The following MYRIP variants were observed in gnomAD, a reference collection of about 807,000 sequenced individuals.
MYRIP encodes myosin VIIA and Rab interacting protein, also known as rab effector MyRIP.
MYRIP carries 49 observed loss-of-function variants against 98.0 expected under a neutral mutation model. The ratio of observed to expected loss-of-function variants is 0.50; its 90% CI spans 0.40 to 0.63. MYRIP has a LOEUF of 0.63. MYRIP is among the 30% of genes least tolerant of loss of function. MYRIP has a pLI of 0.00. For missense variants in MYRIP, 1,004 were observed against 1,058.2 expected, an observed-to-expected ratio of 0.95 and a Z score of 0.71; for synonymous variants, 404 against 409.5, an observed-to-expected ratio of 0.99 and a Z score of 0.16.
At chr3:40,104,360 A>G (rs767273521) in intron 3 of MYRIP, among the ~76,000 whole-genome samples, 2 of 152,144 alleles carry the variant, frequency 1.3e-5, no homozygotes, top group African/African-American at 4.8e-5. Flanking sequence ...AATATTCTCC[A>G]TTTTCTCAGT....
chr3:40,056,925 T>C (rs1947897272), intron 3 of MYRIP, among the ~76,000 whole-genome samples: 1 of 152,164 alleles, frequency 6.6e-6, no homozygotes, highest in Admixed American at 6.5e-5. Context: ...GCAGTGCCCA[T>C]CCCTTGGAGT....
At chr3:40,098,327 A>G (rs1948870320) in intron 3 of MYRIP, among the ~76,000 whole-genome samples, 1 of 152,178 alleles carries the variant, frequency 6.6e-6, no homozygotes, top group Non-Finnish European at 1.5e-5. Flanking sequence ...TGTGGTATGA[A>G]CCCATTTGTA....
At chr3:39,971,326 G>A (rs1258891178) in intron 2 of MYRIP, among the ~76,000 whole-genome samples, 1 of 152,002 alleles carries the variant, frequency 6.6e-6, no homozygotes, top group African/African-American at 2.4e-5. Flanking sequence ...AGAGCTCTCA[G>A]GTATCTGCTT....
chr3:40,134,638 G>C (rs1374064804), intron 3 of MYRIP, among the ~76,000 whole-genome samples: 1 of 152,170 alleles, frequency 6.6e-6, no homozygotes, highest in Non-Finnish European at 1.5e-5. Flanking sequence ...CACCCCAGTA[G>C]GGGCGGACTG....
chr3:39,815,887 G>GTT (rs11293642), intron 1 of MYRIP, among the ~76,000 whole-genome samples: 2,630 of 133,928 alleles, frequency 0.02, 41 homozygotes, highest in Non-Finnish European at 0.031. Context: ...TTCTAATAGC[G>GTT]TTTTTTTTTT....
intron 11 of MYRIP, 125 bp from the exon 12 acceptor site, chr3:40,233,734 G>T (rs1202826364): frequency 1.3e-5 from 11 of 862,284 alleles, no homozygotes; most frequent in Non-Finnish European, 1.6e-5. Flanking sequence ...CAGCACATTG[G>T]TGTTTGTGTG....
chr3:39,912,722 G>A lies in MYRIP; in HGVS notation c.110+11796G>A, dbSNP rs376185507. Among the ~76,000 whole-genome samples the A allele has an allele frequency of 3.8e-4, 58 of 152,242 alleles. 1 individual carries two copies. The South Asian group carries it at 0.01, about 27-fold the overall frequency. On this transcript the variant is annotated intron_variant, in intron 2 of 16. Transcript: ENST00000302541. ...ATCTGGTAGTGCCAAACCCCCATAC[G>A]TTGTTGACTGTAATATCAACTAAAG...
At chr3:40,162,164 A>G (rs963552112) in intron 4 of MYRIP, among the ~76,000 whole-genome samples, 1 of 152,098 alleles carries the variant, frequency 6.6e-6, no homozygotes, top group Non-Finnish European at 1.5e-5. Context: ...GAACCATCCC[A>G]TCAAAGCACT....
chr3:39,821,509 GT>G (rs201779924), intron 1 of MYRIP, among the ~76,000 whole-genome samples: 10 of 150,398 alleles, frequency 6.6e-5, no homozygotes, highest in East Asian at 3.9e-4. Context: ...ATTTCTTTGG[GT>G]TTTTTTTCTC....
intron 4 of MYRIP, among the ~76,000 whole-genome samples, chr3:40,154,989 TA>T (rs1368876644): frequency 6.6e-6 from 1 of 152,138 alleles, no homozygotes; most frequent in Non-Finnish European, 1.5e-5. Context: ...TTATTTTTAT[TA>T]TTTTTTTATT....
At position 40,182,209 on chromosome 3, in the gene MYRIP, C is replaced by G. The variant is rs773115778; in HGVS notation, c.874-11C>G. 2.6e-5 allele frequency: 42 copies of G among 1,599,578 alleles called. No homozygotes were observed. Among genetic ancestry groups the G allele is most frequent in the South Asian group, 1.1e-5 (1 of 88,796 alleles). ...TATGAGCTCACCCCTTCCCCTCTTTCCTTTCCACAGAGGTCCCAGTCTGCC... is the reference window on the plus strand; with the variant it reads ...TATGAGCTCACCCCTTCCCCTCTTTGCTTTCCACAGAGGTCCCAGTCTGCC... On this transcript the variant is annotated splice_polypyrimidine_tract_variant and intron_variant, in intron 8 of 16. Coordinates refer to ENST00000302541, the MANE Select transcript of MYRIP (RefSeq NM_015460.4).
chr3:39,931,354 G>A (rs1416944780), intron 2 of MYRIP, among the ~76,000 whole-genome samples: 1 of 151,154 alleles, frequency 6.6e-6, no homozygotes, highest in African/African-American at 2.4e-5. Flanking sequence ...TATATATAAA[G>A]ACAATTGTTT....
At chr3:40,140,487 G>C (rs1330367199) in intron 3 of MYRIP, among the ~76,000 whole-genome samples, 1 of 152,182 alleles carries the variant, frequency 6.6e-6, no homozygotes, top group Non-Finnish European at 1.5e-5. Context: ...CCAGTAGTGG[G>C]ATTTCTGAAT....
intron 10 of MYRIP, among the ~76,000 whole-genome samples, chr3:40,207,834 G>C (rs1396519518): frequency 2.6e-5 from 4 of 152,158 alleles, no homozygotes; most frequent in Non-Finnish European, 4.4e-5. Context: ...AAGACTCTTA[G>C]TCTGAGATTT....
intron 2 of MYRIP, among the ~76,000 whole-genome samples, chr3:39,996,533 C>G (rs1350485169): frequency 2.0e-5 from 3 of 152,174 alleles, no homozygotes; most frequent in Admixed American, 6.5e-5. Flanking sequence ...ATTCATAAAG[C>G]AAGTCCTTAG....
intron 1 of MYRIP, among the ~76,000 whole-genome samples, chr3:39,861,160 C>T (rs1942457953): frequency 2.6e-5 from 4 of 152,298 alleles, no homozygotes; most frequent in Middle Eastern, 3.4e-3. Flanking sequence ...CCTCAACAGG[C>T]TAGGGAGCAA....
chr3:39,881,337 G>A (rs1038277624), intron 1 of MYRIP, among the ~76,000 whole-genome samples: 3 of 152,150 alleles, frequency 2.0e-5, no homozygotes, highest in African/African-American at 7.2e-5. Flanking sequence ...AATGCTGATT[G>A]GAGGCACCTT....
chr3:40,032,762 CA>C (rs1947289857), intron 2 of MYRIP, among the ~76,000 whole-genome samples: 1 of 152,002 alleles, frequency 6.6e-6, no homozygotes, highest in Non-Finnish European at 1.5e-5. Flanking sequence ...GGCAGAGACA[CA>C]ACCAAAAAAG....
intron 1 of MYRIP, among the ~76,000 whole-genome samples, chr3:39,853,285 C>T (rs1490063709): frequency 2.0e-5 from 3 of 152,136 alleles, no homozygotes; most frequent in African/African-American, 7.2e-5. Context: ...AGTGGGATTG[C>T]CGGATCAAAT....
Sources: allele counts gnomAD v4.1 joint callset (sites outside exome capture counted in the v4.1 genomes callset), GRCh38; gene constraint gnomAD v4.1.1; transcripts MANE v1.5; gene names NCBI Gene and HGNC (gene_info 2026-07-23, HGNC 2026-07-21).